Variants in SYNE2 observed in about 807,000 individuals in gnomAD.
SYNE2 encodes the protein spectrin repeat containing nuclear envelope protein 2.
In SYNE2, 431 loss-of-function variants were observed where a neutral mutation model predicts 856.3. The observed-to-expected ratio is 0.50, with a 90% CI of 0.47 to 0.55. The LOEUF (loss-of-function observed/expected upper bound fraction) is 0.55. SYNE2 is among the 20% of genes least tolerant of loss of function. The pLI is 0.00. For synonymous variants in SYNE2, 2,923 were observed against 2,872.3 expected, an observed-to-expected ratio of 1.02 and a Z score of -0.56; for missense variants, 8,129 against 8,023.2, an observed-to-expected ratio of 1.01 and a Z score of -0.50.
intron 1 of SYNE2, among the ~76,000 whole-genome samples, chr14:63,899,361 C>T (rs1264963962): frequency 6.6e-6 from 1 of 152,140 alleles, no homozygotes; most frequent in Non-Finnish European, 1.5e-5. Context: ...GCCACCACAC[C>T]CAGCTAATTT....
chr14:64,100,541 T>TAG (rs1412142657), intron 63 of SYNE2, among the ~76,000 whole-genome samples: 2 of 67,434 alleles, frequency 3.0e-5, no homozygotes, highest in East Asian at 4.4e-4. Context: ...AATATATATA[T>TAG]ATATATATAT....
chr14:64,178,003 T>G lies in SYNE2; in HGVS notation c.17556+520T>G, dbSNP rs952242578. Among the ~76,000 whole-genome samples, 26 of 152,332 alleles carry G rather than the reference T, an allele frequency of 1.7e-4. 1 individual carries two copies. The highest frequency in any genetic ancestry group is 6.0e-4 in the African/African-American group (25 of 41,580). On this transcript the variant is annotated intron_variant, in intron 96 of 115. Transcript: ENST00000555002. ...CTTTGCTGGAGACAAGGCAAACTTA[T>G]GGATAGGAATTGGGGCCAGGAAAAT... is the stretch of plus-strand genomic sequence containing the variant.
intron 21 of SYNE2, 127 bp downstream of exon 21, chr14:63,991,242 A>G (rs981471251): frequency 9.1e-6 from 9 of 991,858 alleles, no homozygotes; most frequent in Admixed American, 2.2e-5. Context: ...ATTTCCCAGT[A>G]TTCTATATTG....
In SYNE2 at chr14:63,990,514, A is replaced by G. The variant is rs1286479161; in HGVS notation, c.2417A>G (p.His806Arg). The change falls in exon 20 of 116, where the codon CAT becomes CGT. Residue 806 changes from histidine (H) to arginine (R), a missense_variant. Around this residue, in one of 3 missense-constraint regions of SYNE2, gnomAD observed 2,422 missense variants for 2,357.4 expected, o/e 1.03. Transcript: ENST00000555002. ...QNISSQESFQ[H>R]VLTTGLQAKI... ...ATTTCAAGCCAGGAGTCCTTTCAAC[A>G]TGTTCTCACAACTGGGCTTCAGGCA... The G allele has an allele frequency of 1.4e-5, 23 of 1,613,818 alleles. No individual in the cohort carries two copies. The highest frequency in any genetic ancestry group is 1.9e-5 in the Non-Finnish European group (22 of 1,179,942).
At chr14:63,789,823 C>T (rs1887669719) in intron 1 of SYNE2, among the ~76,000 whole-genome samples, 1 of 150,970 alleles carries the variant, frequency 6.6e-6, no homozygotes, top group Non-Finnish European at 1.5e-5. Context: ...GGAGACCTCA[C>T]CAAAGACAGA....
At chr14:64,152,456 A>G (rs540436773) in intron 84 of SYNE2, 108 bp from the exon 85 acceptor site, 15 of 1,065,528 alleles carry the variant, frequency 1.4e-5, no homozygotes, top group East Asian at 1.0e-4. Context: ...ATTTAATTAT[A>G]TAATCTAATG....
intron 11 of SYNE2, among the ~76,000 whole-genome samples, chr14:63,974,914 A>ATATATATATATATATATG (rs1260422403): frequency 3.5e-5 from 3 of 85,528 alleles, no homozygotes; most frequent in South Asian, 4.6e-4. Flanking sequence ...ATATATATAT[A>ATATATATATATATATATG]TATGTATCTT....
chr14:64,055,854 A>G (rs1555455671), intron 48 of SYNE2, 90 bp from the exon 49 acceptor site: 9 of 841,360 alleles, frequency 1.1e-5, no homozygotes, highest in South Asian at 1.6e-5. Flanking sequence ...ACTCAGAGAC[A>G]TATTATCTAT....
At chr14:63,795,441 T>A (rs893689284) in intron 1 of SYNE2, among the ~76,000 whole-genome samples, 10 of 152,182 alleles carry the variant, frequency 6.6e-5, no homozygotes, top group African/African-American at 2.4e-4. Context: ...AGCTTGCAGA[T>A]GGCCTATTGT....
In SYNE2 at chr14:64,114,370, T is replaced by C. The variant is rs150894639; in HGVS notation, c.12840+799T>C. On this transcript the variant is annotated intron_variant, in intron 66 of 115. Transcript: ENST00000555002. Reference sequence around the variant, plus strand: ...CCAGCTGCACTTAGGAGACCAGACTTGTCTTTATCATATGGGCTTGTCTGC... The same window carrying C: ...CCAGCTGCACTTAGGAGACCAGACTCGTCTTTATCATATGGGCTTGTCTGC... Among the ~76,000 whole-genome samples the C allele has an allele frequency of 3.1e-3, 476 of 152,300 alleles. 3 individuals are homozygous for C. The highest frequency in any genetic ancestry group is 9.7e-3 in the African/African-American group (405 of 41,558).
In SYNE2 at chr14:64,170,014, C is replaced by T. The variant is rs114254184; in HGVS notation, c.17001-214C>T. ...TGCATGCTGGCAAAATACCAGGTTA[C>T]GTGCAGATACCTTCTGCTAAACTCA... is the stretch of plus-strand genomic sequence containing the variant. On this transcript the variant is annotated intron_variant, in intron 93 of 115. Transcript: ENST00000555002. Among the ~76,000 whole-genome samples, 180 of 152,292 alleles carry T rather than the reference C, an allele frequency of 1.2e-3. 1 individual carries two copies. Among genetic ancestry groups the T allele is most frequent in the African/African-American group, 4.1e-3 (170 of 41,544 alleles).
At chr14:64,022,138 T>A in intron 37 of SYNE2, 110 bp downstream of exon 37, 2 of 1,001,218 alleles carry the variant, frequency 2.0e-6, no homozygotes, top group Non-Finnish European at 3.1e-6. Context: ...TTGCACAGAC[T>A]ACATTCAAGG....
rs913261688 is a variant in SYNE2 at position 63,765,303 on chromosome 14, T to C, written c.-305+3317T>C. 2.0e-5 allele frequency among the ~76,000 whole-genome samples: 3 copies of C among 152,192 alleles called. No individual in the cohort carries two copies. The South Asian group carries it at 6.2e-4, about 32-fold the overall frequency. On this transcript the variant is annotated intron_variant, in intron 1 of 23. Transcript: ENST00000674003. ...AGGCATATACACTATTCCATCTTTTTTGCTTTTTGCTAAGATTTCTCAAAT... is the reference window on the plus strand; with the variant it reads ...AGGCATATACACTATTCCATCTTTTCTGCTTTTTGCTAAGATTTCTCAAAT...
At chr14:63,905,249 T>C (rs1342403948) in intron 1 of SYNE2, among the ~76,000 whole-genome samples, 1 of 152,212 alleles carries the variant, frequency 6.6e-6, no homozygotes, top group Non-Finnish European at 1.5e-5. Context: ...GTGTGATGGC[T>C]CTGGCTTTGT....
At chr14:63,865,909 G>A (rs1255033006) in intron 1 of SYNE2, among the ~76,000 whole-genome samples, 2 of 151,762 alleles carry the variant, frequency 1.3e-5, no homozygotes, top group Non-Finnish European at 2.9e-5. Flanking sequence ...GGATCTTCTT[G>A]GAAGATAACA....
At position 64,209,550 on chromosome 14, in the gene SYNE2, G is replaced by A; in HGVS notation, c.18512G>A (p.Ser6171Asn). 8.1e-6 allele frequency: 13 copies of A among 1,614,234 alleles called. No individual in the cohort carries two copies. The highest frequency in any genetic ancestry group is 1.0e-5 in the Non-Finnish European group (12 of 1,180,046). The change falls in exon 102 of 116, where the codon AGT (serine) becomes AAT (asparagine). Residue 6171 changes from serine to asparagine, a missense_variant. This residue lies in a region of SYNE2 where 5,410 missense variants were observed against 5,284.8 expected (regional missense o/e 1.02). Transcript: ENST00000555002. The part of the protein sequence containing the change: ...CPNSSEVLYT[S>N]AKEELKRFEA... ...AATTCCTCAGAGGTGTTGTACACGA[G>A]TGCCAAAGAGGAACTGAAGAGGTTT...
chr14:63,890,053 CTTTTTTTTTTTT>C (rs71123813), intron 1 of SYNE2, among the ~76,000 whole-genome samples: 1 of 95,062 alleles, frequency 1.1e-5, no homozygotes, highest in African/African-American at 4.2e-5. Flanking sequence ...TTCTTTCTTT[CTTTTTTTTTTTT>C]TTTTTTTTTG....
At chr14:63,949,565 A>G (rs533752743) in intron 6 of SYNE2, among the ~76,000 whole-genome samples, 2 of 152,242 alleles carry the variant, frequency 1.3e-5, no homozygotes, top group South Asian at 4.2e-4. Context: ...CAGGTGGATG[A>G]ATTGGTGAGG....
intron 1 of SYNE2, among the ~76,000 whole-genome samples, chr14:63,840,955 A>G (rs1218620915): frequency 6.6e-6 from 1 of 152,172 alleles, no homozygotes; most frequent in African/African-American, 2.4e-5. Flanking sequence ...CAGAGGTTTC[A>G]GTGAACCGAG....
Sources: allele counts gnomAD v4.1 joint callset (sites outside exome capture counted in the v4.1 genomes callset), GRCh38; gene constraint gnomAD v4.1.1; regional missense constraint gnomAD v4.1.1; transcripts MANE v1.5; gene names NCBI Gene and HGNC (gene_info 2026-07-23, HGNC 2026-07-21).